Variants in FHOD3 observed in about 807,000 individuals in gnomAD.
FHOD3 encodes FH1/FH2 domain-containing protein 3.
FHOD3 carries 90 observed loss-of-function variants against 173.0 expected under a neutral mutation model. The observed-to-expected ratio is 0.52, with a 90% CI of 0.44 to 0.62. The LOEUF is 0.62. Among genes scored for constraint, FHOD3 ranks in the 20% least tolerant of loss-of-function variants. FHOD3 has a pLI of 0.00. For missense variants in FHOD3, 1,945 were observed against 2,034.7 expected, an observed-to-expected ratio of 0.96 and a Z score of 0.85; for synonymous variants, 828 against 823.0, an observed-to-expected ratio of 1.01 and a Z score of -0.10.
At chr18:36,715,121 C>G (rs2149732412) in intron 18 of FHOD3, among the ~76,000 whole-genome samples, 1 of 152,346 alleles carries the variant, frequency 6.6e-6, no homozygotes, top group African/African-American at 2.4e-5. Context: ...TCTGCCAGCC[C>G]TGATGAGGTT....
Position 36,649,346 on chromosome 18 carries a change from C to T in FHOD3, c.1227C>T (p.Ile409=), listed in dbSNP as rs901014890. Residue 409 remains isoleucine, a synonymous_variant, in exon 11 of 29, where the codon ATC becomes ATT. Transcript: ENST00000590592. The part of the protein sequence containing the change: ...KEEEEEEEQP[I]TEPSSEEERE... ...AGGAGGAGGAAGAGGAGCAGCCAAT[C>T]ACGGAGCCCAGTTCCGAAGAAGAGA... 17 of 1,535,756 alleles carry T rather than the reference C, an allele frequency of 1.1e-5. No homozygotes were observed. The highest frequency in any genetic ancestry group is 2.7e-5 in the African/African-American group (2 of 72,952).
intron 1 of FHOD3, among the ~76,000 whole-genome samples, chr18:36,341,660 T>G (rs918429202): frequency 6.6e-6 from 1 of 152,200 alleles, no homozygotes; most frequent in African/African-American, 2.4e-5. Context: ...TTGGGACCCC[T>G]AAAGATTACA....
intron 3 of FHOD3, among the ~76,000 whole-genome samples, chr18:36,448,345 C>T (rs933710813): frequency 6.6e-6 from 1 of 152,200 alleles, no homozygotes; most frequent in Non-Finnish European, 1.5e-5. Flanking sequence ...GGATGTGTAA[C>T]TGTCATTTCT....
At chr18:36,340,406 A>C (rs924746550) in intron 1 of FHOD3, among the ~76,000 whole-genome samples, 5 of 152,128 alleles carry the variant, frequency 3.3e-5, no homozygotes, top group African/African-American at 1.2e-4. Flanking sequence ...TGGGGATTGG[A>C]GCATACATAT....
chr18:36,519,817 C>A (rs2056182048), intron 5 of FHOD3, among the ~76,000 whole-genome samples: 1 of 152,218 alleles, frequency 6.6e-6, no homozygotes, highest in South Asian at 2.1e-4. Flanking sequence ...CCATCAGCTT[C>A]TAACTCTACC....
intron 9 of FHOD3, among the ~76,000 whole-genome samples, chr18:36,620,771 T>C (rs1339546512): frequency 1.3e-5 from 2 of 152,266 alleles, no homozygotes; most frequent in African/African-American, 4.8e-5. Context: ...CTGAATCCTT[T>C]AGATAGCTGG....
intron 25 of FHOD3, among the ~76,000 whole-genome samples, chr18:36,755,625 G>C (rs1392224413): frequency 6.6e-6 from 1 of 152,026 alleles, no homozygotes; most frequent in Non-Finnish European, 1.5e-5. Context: ...CCTCTGTGAT[G>C]TGGGTAAAGT....
At chr18:36,734,587 C>G (rs1047004242) in intron 20 of FHOD3, among the ~76,000 whole-genome samples, 1 of 152,118 alleles carries the variant, frequency 6.6e-6, no homozygotes, top group Non-Finnish European at 1.5e-5. Context: ...TCAGGCATCA[C>G]CTACTATCTT....
intron 3 of FHOD3, among the ~76,000 whole-genome samples, chr18:36,435,805 T>G (rs757792033): frequency 6.6e-6 from 1 of 152,194 alleles, no homozygotes; most frequent in Non-Finnish European, 1.5e-5. Context: ...TTCAGCGTTA[T>G]TACTGATAAA....
chr18:36,768,252 T>G (rs147098049), intron 27 of FHOD3, among the ~76,000 whole-genome samples: 1 of 152,370 alleles, frequency 6.6e-6, no homozygotes, highest in East Asian at 1.9e-4. Flanking sequence ...ACAAGAAAGC[T>G]GATCAATTAC....
chr18:36,374,849 TTTTTATGTATTG>T lies in FHOD3; in HGVS notation c.337+2110_337+2121del, dbSNP rs541119550. Among the ~76,000 whole-genome samples the T allele has an allele frequency of 8.2e-3, 1,244 of 152,354 alleles. 5 individuals are homozygous for T. Among genetic ancestry groups the T allele is most frequent in the Admixed American group, 0.011 (166 of 15,302 alleles). ...AAGGTCTTGTTTATGTTTATGTATT[TTTTTATGTATTG>T]TTTTCAAAAGGATTTTCTGCTTTAA... On this transcript the variant is annotated intron_variant, in intron 3 of 28. Transcript: ENST00000590592.
chr18:36,549,532 C>CTTT (rs386387404), intron 5 of FHOD3, among the ~76,000 whole-genome samples: 1,518 of 71,244 alleles, frequency 0.021, 93 homozygotes, highest in African/African-American at 0.029. Flanking sequence ...TCTAAGAAAT[C>CTTT]TTTTTTTTTT....
At chr18:36,482,254 C>T (rs2145522117) in intron 3 of FHOD3, among the ~76,000 whole-genome samples, 1 of 152,220 alleles carries the variant, frequency 6.6e-6, no homozygotes, top group East Asian at 1.9e-4. Context: ...GGAGACAGCA[C>T]ATAAGGTAAA....
intron 4 of FHOD3, among the ~76,000 whole-genome samples, chr18:36,506,378 A>G (rs1393451446): frequency 6.6e-6 from 1 of 152,268 alleles, no homozygotes; most frequent in African/African-American, 2.4e-5. Context: ...CAGTGACTAA[A>G]GACACAGCTG....
Position 36,649,303 on chromosome 18 carries a change from G to T in FHOD3, c.1197-13G>T, listed in dbSNP as rs1228105311. On this transcript the variant is annotated splice_polypyrimidine_tract_variant and intron_variant, in intron 10 of 28. Transcript: ENST00000590592. ...TGTCTGTGTGCATTTCTCTTTTCCT[G>T]GCTTTGTCTCAGGGAGGAGGAGGAG... The T allele has an allele frequency of 2.0e-6, 3 of 1,533,458 alleles. No homozygotes were observed. In the Admixed American group the frequency reaches 5.9e-5, roughly 30 times the overall value. The allele number at this position is 1,533,458 out of a possible 1,614,324, so 95.0% of individuals were successfully genotyped here.
At chr18:36,429,117 A>C (rs576711690) in intron 3 of FHOD3, among the ~76,000 whole-genome samples, 4 of 152,252 alleles carry the variant, frequency 2.6e-5, no homozygotes, top group African/African-American at 9.6e-5. Flanking sequence ...TGAGAAATTG[A>C]GGATTGTTTT....
chr18:36,701,427 C>T (rs923709270), intron 17 of FHOD3, among the ~76,000 whole-genome samples: 2 of 152,042 alleles, frequency 1.3e-5, no homozygotes, highest in Admixed American at 1.3e-4. Flanking sequence ...TCTTTTTTAT[C>T]CTGTATGATA....
chr18:36,729,770 T>C (rs994331418), intron 19 of FHOD3, among the ~76,000 whole-genome samples: 3 of 152,206 alleles, frequency 2.0e-5, no homozygotes, highest in Admixed American at 6.5e-5. Flanking sequence ...CTTCAACTTA[T>C]GAATTTTGAG....
intron 10 of FHOD3, among the ~76,000 whole-genome samples, chr18:36,634,764 C>T (rs1007208620): frequency 1.3e-5 from 2 of 152,174 alleles, no homozygotes; most frequent in African/African-American, 4.8e-5. Flanking sequence ...CAAATATGTG[C>T]TTTGCCCAGT....
Sources: gnomAD v4.1 joint callset for allele counts (sites outside exome capture counted in the v4.1 genomes callset) on GRCh38, gnomAD v4.1.1 for gene constraint, MANE v1.5 for transcripts, NCBI Gene and HGNC (gene_info 2026-07-23, HGNC 2026-07-21) for gene names.